Variants in SAMSN1 observed in about 807,000 individuals in gnomAD.
The protein encoded by SAMSN1 is SAM domain, SH3 domain and nuclear localization signals 1.
In SAMSN1, 31 loss-of-function variants were observed where a neutral mutation model predicts 42.0. The ratio of observed to expected loss-of-function variants is 0.74; its 90% CI spans 0.55 to 1.00. SAMSN1 has a LOEUF of 1.00. Among genes scored for constraint, SAMSN1 ranks in the 50% least tolerant of loss-of-function variants. The pLI is 0.00. For missense variants in SAMSN1, 464 were observed against 439.4 expected (o/e 1.06, Z -0.50); for synonymous variants, 178 against 151.9 (o/e 1.17, Z -1.26).
intron 1 of SAMSN1, among the ~76,000 whole-genome samples, chr21:14,544,744 T>C (rs1980276566): frequency 1.3e-5 from 2 of 152,188 alleles, no homozygotes; most frequent in South Asian, 4.1e-4. Flanking sequence ...AGCCAAATGA[T>C]GATGATGGAG....
chr21:14,540,861 T>C (rs966772948), intron 1 of SAMSN1, among the ~76,000 whole-genome samples: 5 of 152,136 alleles, frequency 3.3e-5, no homozygotes, highest in Admixed American at 2.0e-4. Context: ...CTGTTCACAA[T>C]AGCAAAGACT....
intron 1 of SAMSN1, among the ~76,000 whole-genome samples, chr21:14,524,031 A>G (rs1031047077): frequency 4.6e-5 from 7 of 152,228 alleles, no homozygotes; most frequent in African/African-American, 1.7e-4. Flanking sequence ...AATATTTAAA[A>G]GAACATTTAT....
intron 1 of SAMSN1, among the ~76,000 whole-genome samples, chr21:14,648,733 C>A (rs981569721): frequency 1.3e-5 from 2 of 151,650 alleles, no homozygotes; most frequent in African/African-American, 2.4e-5. Flanking sequence ...CCATCTCACA[C>A]CAGTTAGAAT....
chr21:14,658,917 G>C, upstream of SAMSN1: 2 of 622,754 alleles, frequency 3.2e-6, no homozygotes, highest in East Asian at 5.5e-5. Flanking sequence ...GGGATTCAGA[G>C]ACCATTATCA....
intron 6 of SAMSN1, chr21:14,594,102 G>A (rs780583409): frequency 8.8e-6 from 6 of 682,070 alleles, no homozygotes; most frequent in African/African-American, 5.4e-5. Context: ...AAAGGAAATA[G>A]AGACAACTAA....
intron 2 of SAMSN1, among the ~76,000 whole-genome samples, chr21:14,554,310 T>G (rs932826654): frequency 4.6e-5 from 7 of 152,248 alleles, no homozygotes; most frequent in African/African-American, 1.7e-4. Context: ...TTCCATAAAG[T>G]GCACATGACA....
chr21:14,526,905 T>C (rs541457431), intron 1 of SAMSN1, among the ~76,000 whole-genome samples: 2 of 152,330 alleles, frequency 1.3e-5, no homozygotes, highest in African/African-American at 4.8e-5. Flanking sequence ...CCAGAAGAAC[T>C]TGACCCTCAT....
Position 14,541,958 on chromosome 21 carries a change from C to G in SAMSN1, c.57+4247G>C, listed in dbSNP as rs539040552. 1.1e-4 allele frequency among the ~76,000 whole-genome samples: 16 copies of G among 145,680 alleles called. No individual in the cohort carries two copies. The South Asian group carries it at 3.5e-3, about 32-fold the overall frequency. ...GCAGTGAGTGGTGATTGTGCCTGCACTCAAGCCTGGGTAACAGAATGAGAC... is the reference window on the plus strand; with the variant it reads ...GCAGTGAGTGGTGATTGTGCCTGCAGTCAAGCCTGGGTAACAGAATGAGAC... On this transcript the variant is annotated intron_variant, in intron 1 of 7. Transcript: ENST00000400566.
At chr21:14,522,588 G>A (rs1399203253) in intron 1 of SAMSN1, among the ~76,000 whole-genome samples, 1 of 152,002 alleles carries the variant, frequency 6.6e-6, no homozygotes, top group Non-Finnish European at 1.5e-5. Flanking sequence ...AAAACCAGGT[G>A]TAACAAAATC....
At chr21:14,634,235 C>T (rs1983407896) in intron 2 of SAMSN1, among the ~76,000 whole-genome samples, 1 of 151,764 alleles carries the variant, frequency 6.6e-6, no homozygotes, top group South Asian at 2.1e-4. Context: ...TAGGCAATAC[C>T]ATTCAGGACG....
At chr21:14,553,671 A>C (rs1980669881) in intron 2 of SAMSN1, among the ~76,000 whole-genome samples, 1 of 152,142 alleles carries the variant, frequency 6.6e-6, no homozygotes, top group African/African-American at 2.4e-5. Context: ...TATTGACTTG[A>C]AATCGAATTC....
rs143849365 is a variant in SAMSN1 at position 14,494,387 on chromosome 21, A to C, written c.919+4055T>G. Among the ~76,000 whole-genome samples the C allele has an allele frequency of 4.5e-4, 69 of 152,366 alleles. No individual in the cohort carries two copies. In the East Asian group the frequency reaches 0.013, roughly 28 times the overall value. ...ATGGAATACTACGCAGCCATAAAAA[A>C]GGATGAGTTTATGTCCTTTACAGGG... is the stretch of plus-strand genomic sequence containing the variant. On this transcript the variant is annotated intron_variant, in intron 7 of 7. Transcript: ENST00000400566.
chr21:14,590,702 G>A (rs935938911), intron 7 of SAMSN1, among the ~76,000 whole-genome samples: 1 of 152,214 alleles, frequency 6.6e-6, no homozygotes, highest in East Asian at 1.9e-4. Flanking sequence ...TTAGCCACTT[G>A]AATGGGAAGG....
chr21:14,508,855 C>A (rs59082350), intron 5 of SAMSN1, among the ~76,000 whole-genome samples: 6,450 of 152,130 alleles, frequency 0.042, 437 homozygotes, highest in African/African-American at 0.15. Context: ...ATAGGCTGGG[C>A]GTGGTGGCTC....
intron 1 of SAMSN1, among the ~76,000 whole-genome samples, chr21:14,653,077 C>T (rs1399240940): frequency 6.6e-6 from 1 of 152,038 alleles, no homozygotes; most frequent in African/African-American, 2.4e-5. Context: ...AACCCTATTT[C>T]ACTGTTGGCG....
At chr21:14,646,224 C>G (rs1253464749) in intron 1 of SAMSN1, among the ~76,000 whole-genome samples, 12 of 152,032 alleles carry the variant, frequency 7.9e-5, no homozygotes, top group Non-Finnish European at 1.6e-4. Flanking sequence ...ATTTAATAAT[C>G]AAATCCCAAC....
intron 1 of SAMSN1, among the ~76,000 whole-genome samples, chr21:14,650,836 AAGT>A (rs1983821693): frequency 6.6e-6 from 1 of 152,050 alleles, no homozygotes; most frequent in African/African-American, 2.4e-5. Context: ...AGAAAAGAAA[AAGT>A]AGACACTACA....
chr21:14,583,262 T>G (rs1981813392), intron 1 of SAMSN1: 1 of 158,990 alleles, frequency 6.3e-6, no homozygotes, highest in Non-Finnish European at 1.4e-5. Flanking sequence ...TTCGATTACT[T>G]AAGGCATGCT....
At chr21:14,595,343 TC>T (rs1468252791) in intron 6 of SAMSN1, among the ~76,000 whole-genome samples, 2 of 152,114 alleles carry the variant, frequency 1.3e-5, no homozygotes, top group Non-Finnish European at 2.9e-5. Context: ...GCTGCCTTGC[TC>T]CCTTTTTGAA....
Sources: allele counts gnomAD v4.1 joint callset (sites outside exome capture counted in the v4.1 genomes callset), GRCh38; gene constraint gnomAD v4.1.1; transcripts MANE v1.5; gene names NCBI Gene and HGNC (gene_info 2026-07-23, HGNC 2026-07-21).